The following MEIS1 variants were observed in gnomAD, a reference collection of about 807,000 sequenced individuals.
The protein encoded by MEIS1 is homeobox protein Meis1.
A neutral mutation model predicts 50.8 loss-of-function variants in MEIS1; 5 were observed. The ratio of observed to expected loss-of-function variants is 0.10; its 90% CI spans 0.05 to 0.21. The LOEUF (loss-of-function observed/expected upper bound fraction) is 0.21, where lower values mean the gene tolerates loss of function less well. MEIS1 is among the 10% of genes least tolerant of loss of function. The pLI is 1.00. For synonymous variants in MEIS1, 176 were observed against 179.3 expected (o/e 0.98, Z 0.15); for missense variants, 318 against 517.3 (o/e 0.61, Z 3.74).
At position 66,441,572 on chromosome 2, in the gene MEIS1, GTCTT is replaced by G. The variant is rs894045813; in HGVS notation, c.483+116_483+119del. 14 of 912,750 alleles carry G rather than the reference GTCTT, an allele frequency of 1.5e-5. No homozygotes were observed. In the African/African-American group the frequency reaches 2.0e-4, roughly 13 times the overall value. 56.5% of individuals were successfully genotyped at this position (912,750 alleles called of 1,614,324 possible). ...AGCCTTCTGATACATTTGCATAAAT[GTCTT>G]TCTTTCTGGTAATTAGTGTCAAGGC... On this transcript the variant is annotated intron_variant, in intron 5 of 12. Coordinates refer to ENST00000272369, the MANE Select transcript of MEIS1 (RefSeq NM_002398.3).
rs1672924308 is a variant in MEIS1, at chr2:66,477,606, G to C, written c.742+13386G>C. Among the ~76,000 whole-genome samples the C allele has an allele frequency of 5.3e-5, 8 of 152,168 alleles. No homozygotes were observed. In the South Asian group the frequency reaches 1.7e-3, roughly 32 times the overall value. On this transcript the variant is annotated intron_variant, in intron 7 of 12. Transcript: ENST00000272369. ...TCCGGCTCCGTGGAGACCAGGGGCT[G>C]GGTGGAAAGGAAGAGGCCAGCCAAG... is the stretch of plus-strand genomic sequence containing the variant.
intron 7 of MEIS1, among the ~76,000 whole-genome samples, chr2:66,488,982 T>C (rs1241829705): frequency 2.6e-5 from 4 of 152,206 alleles, no homozygotes; most frequent in African/African-American, 4.8e-5. Context: ...CTTCCTAAAG[T>C]TTTTTGTTTT....
intron 9 of MEIS1, among the ~76,000 whole-genome samples, chr2:66,558,905 G>A (rs1675141962): frequency 2.0e-5 from 3 of 152,254 alleles, no homozygotes; most frequent in East Asian, 3.9e-4. Flanking sequence ...ACTTTGGGAG[G>A]CTGAGGAGGG....
intron 6 of MEIS1, among the ~76,000 whole-genome samples, chr2:66,446,514 G>T (rs1381054336): frequency 1.3e-5 from 2 of 152,154 alleles, no homozygotes; most frequent in Non-Finnish European, 2.9e-5. Context: ...GGTGGCCCTG[G>T]CTCTTCCCAT....
In MEIS1 at chr2:66,512,232, C is replaced by T; in HGVS notation, c.826C>T (p.Arg276Cys). ...TAAGGACAAAAAGCGTCACAAAAAG[C>T]GTGGCATCTTTCCCAAAGTAGCCAC... ...PDKDKKRHKK[R>C]GIFPKVATNI... The change falls in exon 8 of 13, where the codon CGT becomes TGT. Residue 276 changes from arginine to cysteine, a missense_variant. This residue lies in a region of MEIS1 where 40 missense variants were observed against 102.8 expected (regional missense o/e 0.39). Transcript: ENST00000272369. 1 of 1,612,446 alleles carries T rather than the reference C, an allele frequency of 6.2e-7. No individual in the cohort carries two copies. The highest frequency in any genetic ancestry group is 8.5e-7 in the Non-Finnish European group (1 of 1,179,418).
At chr2:66,438,036 G>C (rs1264099238) in intron 2 of MEIS1, 73 bp downstream of exon 2, 1 of 1,328,658 alleles carries the variant, frequency 7.5e-7, no homozygotes, top group Non-Finnish European at 1.0e-6. Context: ...CTTGGTAAGA[G>C]GAAAGTCAGA....
intron 8 of MEIS1, among the ~76,000 whole-genome samples, chr2:66,523,420 TTA>T (rs1308306638): frequency 6.6e-6 from 1 of 152,242 alleles, no homozygotes; most frequent in Non-Finnish European, 1.5e-5. Flanking sequence ...TATGTGGAAT[TTA>T]TATGTTTCAG....
chr2:66,524,950 G>A (rs1674211712), intron 8 of MEIS1, among the ~76,000 whole-genome samples: 1 of 152,128 alleles, frequency 6.6e-6, no homozygotes, highest in Non-Finnish European at 1.5e-5. Flanking sequence ...GTTCATGCCT[G>A]TAATCCTAGC....
intron 1 of MEIS1, 102 bp from the exon 2 acceptor site, chr2:66,437,635 A>C (rs1324360698): frequency 1.0e-6 from 1 of 987,226 alleles, no homozygotes; most frequent in Non-Finnish European, 1.6e-6. Context: ...TCCGGGTGGA[A>C]GGACCCAGCT....
At chr2:66,473,318 C>T (rs1672807293) in intron 7 of MEIS1, among the ~76,000 whole-genome samples, 2 of 138,656 alleles carry the variant, frequency 1.4e-5, no homozygotes, top group South Asian at 2.3e-4. Context: ...GCAGAGGTTG[C>T]GGTGAGCCGA....
chr2:66,466,212 C>T (rs1265953501), intron 7 of MEIS1, among the ~76,000 whole-genome samples: 1 of 152,138 alleles, frequency 6.6e-6, no homozygotes, highest in Non-Finnish European at 1.5e-5. Flanking sequence ...ACCTAAACTT[C>T]CAGTTTCCCA....
At chr2:66,558,180 G>A (rs747722889) in intron 9 of MEIS1, among the ~76,000 whole-genome samples, 35 of 147,154 alleles carry the variant, frequency 2.4e-4, no homozygotes, top group Non-Finnish European at 4.5e-4. Context: ...TTGGGAGACT[G>A]AGGCAGGAGA....
At chr2:66,454,814 A>G (rs1346840183) in intron 6 of MEIS1, 5 of 152,186 alleles carry the variant, frequency 3.3e-5, no homozygotes, top group Non-Finnish European at 7.4e-5. Context: ...CATGTAATTT[A>G]CTGATTCTTC....
chr2:66,571,626 C>A lies in MEIS1; in HGVS notation c.*418C>A. On this transcript the variant is annotated 3_prime_UTR_variant, in exon 13 of 13. Transcript: ENST00000272369. ...TTCCATTCTTGGCATCTACTCTGGA[C>A]CAAGGAGCATCCCTAATTCTTCATA... 1 of 1,412,970 alleles carries A rather than the reference C, an allele frequency of 7.1e-7. No individual in the cohort carries two copies. Among genetic ancestry groups the A allele is most frequent in the Non-Finnish European group, 9.7e-7 (1 of 1,034,652 alleles). The allele number at this position is 1,412,970 out of a possible 1,614,324, so 87.5% of individuals were successfully genotyped here.
At chr2:66,497,557 T>C (rs1167524027) in intron 7 of MEIS1, among the ~76,000 whole-genome samples, 2 of 152,192 alleles carry the variant, frequency 1.3e-5, no homozygotes, top group South Asian at 2.1e-4. Context: ...TTAAATGATA[T>C]AACTTTTTTC....
Position 66,502,375 on chromosome 2 carries a change from C to T in MEIS1, c.743-9774C>T, listed in dbSNP as rs191599499. Among the ~76,000 whole-genome samples, 929 of 152,248 alleles carry T rather than the reference C, an allele frequency of 6.1e-3. 8 individuals are homozygous for T. Among genetic ancestry groups the T allele is most frequent in the African/African-American group, 0.021 (892 of 41,548 alleles). ...GCATCTGTTGATTAAAAAAACAAAT[C>T]CCAATAGGAGCTGCATGTTTTAAAA... On this transcript the variant is annotated intron_variant, in intron 7 of 12. Coordinates refer to ENST00000272369, the MANE Select transcript of MEIS1 (RefSeq NM_002398.3).
At chr2:66,553,901 GC>G (rs1674987723) in intron 9 of MEIS1, among the ~76,000 whole-genome samples, 1 of 152,148 alleles carries the variant, frequency 6.6e-6, no homozygotes, top group Admixed American at 6.6e-5. Context: ...GAAAAACCCT[GC>G]CCCTTCCACC....
intron 7 of MEIS1, 24 bp from the exon 8 acceptor site, chr2:66,512,125 A>G (rs762085404): frequency 6.5e-7 from 1 of 1,533,634 alleles, no homozygotes. Flanking sequence ...GCATCAGTCA[A>G]AATTTGATTC....
chr2:66,464,421 G>A (rs145378010), intron 7 of MEIS1, among the ~76,000 whole-genome samples: 68 of 152,260 alleles, frequency 4.5e-4, no homozygotes, highest in Middle Eastern at 3.4e-3. Flanking sequence ...CACCTGGCCA[G>A]CTTCATAAAA....
Sources: allele counts gnomAD v4.1 joint callset (sites outside exome capture counted in the v4.1 genomes callset), GRCh38; gene constraint gnomAD v4.1.1; regional missense constraint gnomAD v4.1.1; transcripts MANE v1.5; gene names NCBI Gene and HGNC (gene_info 2026-07-23, HGNC 2026-07-21).